The following FRMD4A variants were observed in gnomAD, a reference collection of about 807,000 sequenced individuals.
The protein encoded by FRMD4A is FERM domain-containing protein 4A.
FRMD4A carries 29 observed loss-of-function variants against 129.1 expected under a neutral mutation model. The ratio of observed to expected loss-of-function variants is 0.22; its 90% CI spans 0.17 to 0.31. The LOEUF (loss-of-function observed/expected upper bound fraction) is 0.31. FRMD4A is among the 10% of genes least tolerant of loss of function. The pLI, the probability that FRMD4A is intolerant of heterozygous loss-of-function variation, is 1.00. For missense variants in FRMD4A, 1,272 were observed against 1,375.8 expected (o/e 0.92, Z 1.19); for synonymous variants, 634 against 571.6 (o/e 1.11, Z -1.56).
At position 13,660,390 on chromosome 10, in the gene FRMD4A, G is replaced by C; in HGVS notation, c.1824C>G (p.Pro608=). Residue 608 remains proline (P), a synonymous_variant, in exon 20 of 25, where the codon CCC becomes CCG. Coordinates refer to ENST00000357447, the MANE Select transcript of FRMD4A (RefSeq NM_018027.5). ...RNDYDKSPIK[P]KMWSESSLDE... ...CTAAAGAGGACTCACTCCACATTTT[G>C]GGCTTGATGGGTGACTTGTCATAGT... 1 of 1,614,138 alleles carries C rather than the reference G, an allele frequency of 6.2e-7. No individual in the cohort carries two copies. Among genetic ancestry groups the C allele is most frequent in the African/African-American group, 1.3e-5 (1 of 75,052 alleles).
At chr10:14,093,279 A>T (rs1836760265) in intron 2 of FRMD4A, among the ~76,000 whole-genome samples, 1 of 152,238 alleles carries the variant, frequency 6.6e-6, no homozygotes, top group African/African-American at 2.4e-5. Context: ...CACATAAATA[A>T]ACTAATTGGA....
At chr10:13,863,974 T>TTTTCTCTCTCTCTCTTTC (rs2094329304) in intron 2 of FRMD4A, among the ~76,000 whole-genome samples, 1 of 152,010 alleles carries the variant, frequency 6.6e-6, no homozygotes, top group South Asian at 2.1e-4. Context: ...TGGCAAAGTC[T>TTTTCTCTCTCTCTCTTTC]TTTCTCTCTC....
At chr10:13,726,928 C>T (rs920503782) in intron 12 of FRMD4A, among the ~76,000 whole-genome samples, 1 of 149,110 alleles carries the variant, frequency 6.7e-6, no homozygotes, top group Non-Finnish European at 1.5e-5. Flanking sequence ...CAGGGTCCCA[C>T]GATGTCGCTC....
At chr10:14,094,402 T>C (rs771779779) in intron 2 of FRMD4A, among the ~76,000 whole-genome samples, 14 of 152,148 alleles carry the variant, frequency 9.2e-5, no homozygotes, top group Non-Finnish European at 1.8e-4. Flanking sequence ...GTAATTAGAA[T>C]GGAAATGTAA....
chr10:13,692,140 C>CTTTTTTTTTTTTTTTTTTTTTTTTTTTT lies in FRMD4A; in HGVS notation c.1117+1757_1117+1758insAAAAAAAAAAAAAAAAAAAAAAAAAAAA, dbSNP rs747299123. On this transcript the variant is annotated intron_variant, in intron 15 of 24. Coordinates refer to ENST00000357447, the MANE Select transcript of FRMD4A (RefSeq NM_018027.5). ...CTTGAAGCTTATAAAATTTTAGCAG[C>CTTTTTTTTTTTTTTTTTTTTTTTTTTTT]TTTTTTTTTTTTTTTTTTTTTTTTT... The CTTTTTTTTTTTTTTTTTTTTTTTTTTTT allele has an allele frequency of 1.0e-4, 10 of 100,470 alleles. 4 individuals carry two copies. Among genetic ancestry groups the CTTTTTTTTTTTTTTTTTTTTTTTTTTTT allele is most frequent in the African/African-American group, 2.5e-4 (6 of 24,412 alleles). 6.2% of individuals were successfully genotyped at this position (100,470 alleles called of 1,614,324 possible). A position where few individuals can be genotyped will look rare whatever the true frequency, so the allele number is the denominator to read the frequency against.
intron 2 of FRMD4A, among the ~76,000 whole-genome samples, chr10:14,042,199 ACGCT>A (rs1833805199): frequency 6.6e-6 from 1 of 152,224 alleles, no homozygotes. Flanking sequence ...TTGCCCTGGC[ACGCT>A]TATACTGGTC....
intron 2 of FRMD4A, among the ~76,000 whole-genome samples, chr10:14,222,632 G>A (rs1032278239): frequency 9.2e-5 from 14 of 152,032 alleles, no homozygotes; most frequent in South Asian, 4.1e-4. Context: ...ATATGACCCC[G>A]TCCCACTCAA....
Position 14,327,061 on chromosome 10 carries a change from C to T in FRMD4A, c.45+2997G>A, listed in dbSNP as rs138219542. 7.0e-5 allele frequency: 28 copies of T among 398,064 alleles called. 1 individual carries two copies. The highest frequency in any genetic ancestry group is 5.5e-4 in the African/African-American group (27 of 48,732). The allele number at this position is 398,064 out of a possible 1,614,324, so 24.7% of individuals were successfully genotyped here. ...TGAGGTCCTCCCACCTCAAGATGGT[C>T]CAGGCATGCTTACCACCTGGGACCC... On this transcript the variant is annotated intron_variant, in intron 2 of 24. Coordinates refer to ENST00000357447, the MANE Select transcript of FRMD4A (RefSeq NM_018027.5).
chr10:13,650,639 G>T (rs1428191862), intron 24 of FRMD4A, among the ~76,000 whole-genome samples: 1 of 152,138 alleles, frequency 6.6e-6, no homozygotes, highest in East Asian at 1.9e-4. Flanking sequence ...GCTGGGGGAG[G>T]GGGTCTACCT....
chr10:14,048,197 T>A (rs1264335315), intron 2 of FRMD4A, among the ~76,000 whole-genome samples: 1 of 152,092 alleles, frequency 6.6e-6, no homozygotes, highest in Non-Finnish European at 1.5e-5. Context: ...GCCCTGAAGA[T>A]CCCAGCCAGT....
intron 2 of FRMD4A, among the ~76,000 whole-genome samples, chr10:13,916,818 GT>G (rs879460133): frequency 3.9e-5 from 6 of 152,014 alleles, no homozygotes; most frequent in Non-Finnish European, 7.4e-5. Flanking sequence ...TTGTTTGCTT[GT>G]TTTTAGGAGA....
intron 2 of FRMD4A, among the ~76,000 whole-genome samples, chr10:14,028,132 A>G (rs990239234): frequency 1.3e-5 from 2 of 152,212 alleles, no homozygotes; most frequent in Non-Finnish European, 2.9e-5. Context: ...TACCTGTTAT[A>G]TATTTTTTTG....
chr10:13,912,719 C>T lies in FRMD4A; in HGVS notation c.46-53807G>A, dbSNP rs1447695375. On this transcript the variant is annotated intron_variant, in intron 2 of 24. Transcript: ENST00000357447. ...ATTTTTTTTGTATTTTTAGTAGAGACGGGGTTTCACCGTGTTAGCCAGGAT... is the reference window on the plus strand; with the variant it reads ...ATTTTTTTTGTATTTTTAGTAGAGATGGGGTTTCACCGTGTTAGCCAGGAT... Among the ~76,000 whole-genome samples the T allele has an allele frequency of 2.6e-5, 4 of 151,602 alleles. No homozygotes were observed. In the East Asian group the frequency reaches 5.9e-4, roughly 22 times the overall value.
At chr10:14,298,521 T>G (rs1846082486) in intron 2 of FRMD4A, among the ~76,000 whole-genome samples, 1 of 152,210 alleles carries the variant, frequency 6.6e-6, no homozygotes, top group Non-Finnish European at 1.5e-5. Context: ...ACTGGCCCAC[T>G]GTTGCCTGCT....
chr10:14,199,410 C>T (rs963824843), intron 2 of FRMD4A, among the ~76,000 whole-genome samples: 10 of 148,336 alleles, frequency 6.7e-5, no homozygotes, highest in South Asian at 2.1e-4. Flanking sequence ...CTCCACCTCC[C>T]GGGCTCAATC....
chr10:13,789,002 C>CATTT (rs2130801539), intron 5 of FRMD4A, among the ~76,000 whole-genome samples: 1 of 152,286 alleles, frequency 6.6e-6, no homozygotes, highest in African/African-American at 2.4e-5. Flanking sequence ...ATATTTACAG[C>CATTT]AAGTGTTAAT....
At chr10:13,995,906 C>T (rs141152559) in intron 2 of FRMD4A, among the ~76,000 whole-genome samples, 2 of 151,978 alleles carry the variant, frequency 1.3e-5, no homozygotes, top group Non-Finnish European at 2.9e-5. Context: ...GGGGAGGAAG[C>T]GCCCTCTCCT....
intron 15 of FRMD4A, chr10:13,685,352 A>G: frequency 1.0e-6 from 1 of 984,800 alleles, no homozygotes; most frequent in South Asian, 4.7e-5. Context: ...AATGTAATTT[A>G]ACAGAGAGAG....
At chr10:13,948,575 C>T (rs184353796) in intron 2 of FRMD4A, among the ~76,000 whole-genome samples, 77 of 151,158 alleles carry the variant, frequency 5.1e-4, no homozygotes, top group African/African-American at 1.8e-3. Context: ...TAGGGTACAG[C>T]ATGGGCAAAA....
Sources: gnomAD v4.1 joint callset for allele counts (sites outside exome capture counted in the v4.1 genomes callset) on GRCh38, gnomAD v4.1.1 for gene constraint, MANE v1.5 for transcripts, NCBI Gene and HGNC (gene_info 2026-07-23, HGNC 2026-07-21) for gene names.